The following PTPRT variants were observed in gnomAD, a reference collection of about 807,000 sequenced individuals.
The protein encoded by PTPRT is receptor-type tyrosine-protein phosphatase T.
A neutral mutation model predicts 176.8 loss-of-function variants in PTPRT; 56 were observed. The ratio of observed to expected loss-of-function variants is 0.32; its 90% confidence interval spans 0.26 to 0.40. PTPRT has a LOEUF of 0.40. Ranked by LOEUF, PTPRT falls within the 10% of genes least tolerant of loss-of-function variation. The pLI is 1.00. For synonymous variants in PTPRT, 783 were observed against 739.0 expected, an observed-to-expected ratio of 1.06 and a Z score of -0.96; for missense variants, 1,540 against 1,908.2, an observed-to-expected ratio of 0.81 and a Z score of 3.60.
chr20:42,515,999 C>G (rs1276276667), intron 7 of PTPRT, among the ~76,000 whole-genome samples: 2 of 147,154 alleles, frequency 1.4e-5, no homozygotes, highest in African/African-American at 2.5e-5. Context: ...TAAACTATCA[C>G]AAGAACAAAA....
At chr20:42,965,887 T>A (rs1600602297) in intron 1 of PTPRT, among the ~76,000 whole-genome samples, 1 of 152,208 alleles carries the variant, frequency 6.6e-6, no homozygotes, top group East Asian at 1.9e-4. Flanking sequence ...ATTCAAGGAA[T>A]AGCTAGGAAA....
chr20:42,104,818 A>T lies in PTPRT; in HGVS notation c.3391-100T>A, dbSNP rs1986278186. ...GTTGTGGCTATGAAGAATAGACATG[A>T]TTTATCAATATATTACAGGATCCTT... On this transcript the variant is annotated intron_variant, in intron 24 of 30. Transcript: ENST00000373187. 5 of 1,254,124 alleles carry T rather than the reference A, an allele frequency of 4.0e-6. No individual in the cohort carries two copies. In the South Asian group the frequency reaches 7.5e-5, roughly 19 times the overall value. 77.7% of individuals were successfully genotyped at this position (1,254,124 alleles called of 1,614,324 possible). A position where few individuals can be genotyped will look rare whatever the true frequency, so the allele number is the denominator to read the frequency against.
intron 17 of PTPRT, among the ~76,000 whole-genome samples, chr20:42,152,187 T>A (rs557011267): frequency 2.1e-4 from 32 of 152,378 alleles, no homozygotes; most frequent in Admixed American, 4.6e-4. Flanking sequence ...CACCTTTTGT[T>A]ATTTCACTCT....
chr20:42,864,545 A>G (rs2078714167), intron 2 of PTPRT, among the ~76,000 whole-genome samples: 1 of 152,212 alleles, frequency 6.6e-6, no homozygotes, highest in Non-Finnish European at 1.5e-5. Flanking sequence ...TTTGTCATTC[A>G]ATCCCTATGT....
At chr20:42,460,892 T>G (rs1026220267) in intron 8 of PTPRT, among the ~76,000 whole-genome samples, 4 of 152,206 alleles carry the variant, frequency 2.6e-5, no homozygotes, top group Non-Finnish European at 5.9e-5. Context: ...GAAAATGGAC[T>G]AATACACGCT....
intron 15 of PTPRT, among the ~76,000 whole-genome samples, chr20:42,220,437 C>T (rs765651334): frequency 9.2e-5 from 14 of 152,050 alleles, no homozygotes; most frequent in Non-Finnish European, 1.6e-4. Flanking sequence ...GGAGGCAGGT[C>T]GTGATGGGTC....
intron 1 of PTPRT, among the ~76,000 whole-genome samples, chr20:43,058,344 G>A (rs1987323499): frequency 6.6e-6 from 1 of 151,764 alleles, no homozygotes; most frequent in Admixed American, 6.6e-5. Flanking sequence ...AAGTGAGTGG[G>A]GAGAGAGAAC....
intron 7 of PTPRT, among the ~76,000 whole-genome samples, chr20:42,624,258 T>C (rs930041490): frequency 2.0e-5 from 3 of 152,168 alleles, no homozygotes; most frequent in Non-Finnish European, 2.9e-5. Flanking sequence ...TGCAACAACA[T>C]GATGGACCTG....
At chr20:42,151,960 G>A (rs930481044) in intron 17 of PTPRT, among the ~76,000 whole-genome samples, 3 of 152,318 alleles carry the variant, frequency 2.0e-5, no homozygotes, top group Admixed American at 6.5e-5. Flanking sequence ...GGAGCCTAAG[G>A]TCTGGTCTCT....
chr20:42,314,871 A>T (rs912059850), intron 12 of PTPRT, among the ~76,000 whole-genome samples: 2 of 152,216 alleles, frequency 1.3e-5, no homozygotes, highest in Non-Finnish European at 2.9e-5. Flanking sequence ...GAAAACAGTA[A>T]AGCTACCTCA....
chr20:42,393,196 G>T (rs2058817427), intron 9 of PTPRT, among the ~76,000 whole-genome samples: 1 of 152,172 alleles, frequency 6.6e-6, no homozygotes, highest in Non-Finnish European at 1.5e-5. Context: ...GCTGGGGGAA[G>T]GTGAGATATC....
chr20:42,722,056 C>A (rs957964406), intron 6 of PTPRT, among the ~76,000 whole-genome samples: 2 of 152,190 alleles, frequency 1.3e-5, no homozygotes, highest in Admixed American at 1.3e-4. Context: ...CAGCATCTAG[C>A]ACTGTGCTCA....
chr20:42,867,827 G>A (rs1254204268), intron 2 of PTPRT, among the ~76,000 whole-genome samples: 2 of 151,740 alleles, frequency 1.3e-5, no homozygotes, highest in Non-Finnish European at 2.9e-5. Context: ...GATTACAGGT[G>A]CCTGCCACCA....
intron 16 of PTPRT, among the ~76,000 whole-genome samples, chr20:42,187,621 C>T (rs535851040): frequency 6.6e-6 from 1 of 152,288 alleles, no homozygotes; most frequent in Admixed American, 6.5e-5. Flanking sequence ...ATACATAAAC[C>T]AGACCTCAGG....
chr20:42,070,602 C>T (rs955226444), downstream of PTPRT, among the ~76,000 whole-genome samples: 4 of 151,916 alleles, frequency 2.6e-5, no homozygotes, highest in South Asian at 2.1e-4. Context: ...AGCATATTTC[C>T]ATGGAAATAT....
chr20:42,548,673 C>T (rs2145605253), intron 7 of PTPRT, among the ~76,000 whole-genome samples: 1 of 152,118 alleles, frequency 6.6e-6, no homozygotes, highest in African/African-American at 2.4e-5. Flanking sequence ...GTAAAATAAG[C>T]AGAACACAGA....
At chr20:43,081,669 G>A (rs1004673865) in intron 1 of PTPRT, among the ~76,000 whole-genome samples, 1 of 152,122 alleles carries the variant, frequency 6.6e-6, no homozygotes, top group African/African-American at 2.4e-5. Context: ...TGGTCTGAAT[G>A]ATATCAGTTC....
intron 1 of PTPRT, among the ~76,000 whole-genome samples, chr20:42,887,114 C>T (rs970937438): frequency 2.6e-5 from 4 of 152,186 alleles, no homozygotes; most frequent in Non-Finnish European, 5.9e-5. Flanking sequence ...ACAGGTTTCC[C>T]ACCCCACAGA....
chr20:42,209,599 A>T (rs1041662392), intron 15 of PTPRT, among the ~76,000 whole-genome samples: 3 of 152,054 alleles, frequency 2.0e-5, no homozygotes, highest in Non-Finnish European at 4.4e-5. Flanking sequence ...TAAACCAGGA[A>T]GAAGTTGAAT....
Sources: gnomAD v4.1 joint callset for allele counts (sites outside exome capture counted in the v4.1 genomes callset) on GRCh38, gnomAD v4.1.1 for gene constraint, MANE v1.5 for transcripts, NCBI Gene and HGNC (gene_info 2026-07-23, HGNC 2026-07-21) for gene names.